The following CELF2 variants were observed in gnomAD, a reference collection of about 807,000 sequenced individuals.
CELF2 encodes the protein CUG triplet repeat RNA-binding protein 2.
Under a neutral mutation model 62.6 loss-of-function variants are expected in CELF2, and 8 were observed. The observed-to-expected ratio is 0.13, with a 90% CI of 0.07 to 0.23. The LOEUF is 0.23. Ranked by LOEUF, CELF2 falls within the 10% of genes least tolerant of loss-of-function variation. The pLI, the probability that CELF2 is intolerant of heterozygous loss-of-function variation, is 1.00. For synonymous variants in CELF2, 258 were observed against 250.0 expected, an observed-to-expected ratio of 1.03 and a Z score of -0.30; for missense variants, 333 against 671.0, an observed-to-expected ratio of 0.50 and a Z score of 5.56.
chr10:10,871,275 A>G (rs947257809), intron 1 of CELF2, among the ~76,000 whole-genome samples: 2 of 152,214 alleles, frequency 1.3e-5, no homozygotes, highest in African/African-American at 4.8e-5. Flanking sequence ...ACTTCATTCC[A>G]CAACAGAAAG....
chr10:11,035,025 C>A (rs1346862311), intron 1 of CELF2, among the ~76,000 whole-genome samples: 7 of 152,116 alleles, frequency 4.6e-5, no homozygotes, highest in Admixed American at 4.6e-4. Flanking sequence ...TTAATAGTAT[C>A]CTCCTTTGAA....
At chr10:10,981,033 G>A (rs544231127) in intron 2 of CELF2, among the ~76,000 whole-genome samples, 19 of 152,330 alleles carry the variant, frequency 1.2e-4, no homozygotes, top group Admixed American at 2.6e-4. Flanking sequence ...AACTGCTAGT[G>A]CAGGGGTCTA....
chr10:10,903,963 C>T (rs1033771960), intron 1 of CELF2, among the ~76,000 whole-genome samples: 1 of 152,158 alleles, frequency 6.6e-6, no homozygotes, highest in Non-Finnish European at 1.5e-5. Context: ...GAGTTAAGGG[C>T]ATCCCTGGTG....
At chr10:10,825,780 C>G (rs2057343008) in intron 1 of CELF2, among the ~76,000 whole-genome samples, 1 of 152,172 alleles carries the variant, frequency 6.6e-6, no homozygotes, top group Admixed American at 6.6e-5. Flanking sequence ...AAATTCCTTT[C>G]TCTCCCAAGG....
At position 11,309,104 on chromosome 10, in the gene CELF2, C is replaced by T. The variant is rs1238043600; in HGVS notation, c.977-5035C>T. ...TAGCTGCTTTCATGTCTTTGTCCAC[C>T]AAGTCTAACATCTGGGCCCTCTTAC... On this transcript the variant is annotated intron_variant, in intron 9 of 12. Coordinates refer to ENST00000633077, the MANE Select transcript of CELF2 (RefSeq NM_001326342.2). This position sits in a 1 kb window ranked among gnomAD's most constrained non-coding sequence, Gnocchi z 5.6. 6.6e-6 allele frequency among the ~76,000 whole-genome samples: 1 copy of T among 152,046 alleles called. No homozygotes were observed. The highest frequency in any genetic ancestry group is 1.9e-4 in the East Asian group (1 of 5,206).
chr10:11,089,544 GATGA>G lies in CELF2; in HGVS notation c.74+71387_74+71390del, dbSNP rs1319615851. ...AGGAGAATATGAGCCACAGTGGCTAGATGAATGAAGAGCGTGAAGACAGGAGTGT... is the reference window on the plus strand; with the variant it reads ...AGGAGAATATGAGCCACAGTGGCTAGATGAAGAGCGTGAAGACAGGAGTGT... On this transcript the variant is annotated intron_variant, in intron 1 of 12. Coordinates refer to ENST00000633077, the MANE Select transcript of CELF2 (RefSeq NM_001326342.2). Among the ~76,000 whole-genome samples the G allele has an allele frequency of 2.0e-4, 31 of 152,342 alleles. 1 individual carries two copies. The highest frequency in any genetic ancestry group is 7.5e-4 in the African/African-American group (31 of 41,578).
chr10:11,240,924 C>T (rs923692062), intron 3 of CELF2, among the ~76,000 whole-genome samples: 2 of 151,976 alleles, frequency 1.3e-5, no homozygotes, highest in African/African-American at 4.8e-5. Flanking sequence ...GGCTTGTGCT[C>T]CCACCGGACA....
chr10:10,850,372 C>A, intron 1 of CELF2, among the ~76,000 whole-genome samples: 1 of 152,196 alleles, frequency 6.6e-6, no homozygotes. Context: ...AACACTCCAC[C>A]ACTGCTGACT....
At chr10:10,759,071 A>G in the CELF2 span, among the ~76,000 whole-genome samples, 47 of 152,342 alleles carry the variant, frequency 3.1e-4, no homozygotes, top group African/African-American at 1.0e-3. Context: ...GATATGAGCT[A>G]TCGAATCAAT....
At chr10:11,262,940 C>CTTTGTTTTTTTTTTTTTTTTTTT (rs2081119186) in intron 5 of CELF2, among the ~76,000 whole-genome samples, 1 of 52,766 alleles carries the variant, frequency 1.9e-5, no homozygotes, top group East Asian at 9.7e-4. Context: ...AGTGGCTTTA[C>CTTTGTTTTTTTTTTTTTTTTTTT]TTTTTTTTTT....
intron 8 of CELF2, among the ~76,000 whole-genome samples, chr10:11,279,547 G>A (rs2087494117): frequency 6.6e-6 from 1 of 152,158 alleles, no homozygotes; most frequent in Non-Finnish European, 1.5e-5. Flanking sequence ...AGTCCACACT[G>A]CAGGCCTTAT....
Position 11,110,676 on chromosome 10 carries a change from G to T in CELF2, c.75-54810G>T, listed in dbSNP as rs540638231. ...AGTGAGACAGCCAGTGTGACGTTGAGAGTGTTCTCATGGGTCGTTGGCATT... is the reference window on the plus strand; with the variant it reads ...AGTGAGACAGCCAGTGTGACGTTGATAGTGTTCTCATGGGTCGTTGGCATT... On this transcript the variant is annotated intron_variant, in intron 1 of 12. Transcript: ENST00000633077. The surrounding 1 kb of genome is among the most constrained non-coding windows in gnomAD (Gnocchi z 4.0). Among the ~76,000 whole-genome samples the T allele has an allele frequency of 2.0e-5, 3 of 152,170 alleles. No homozygotes were observed. Among genetic ancestry groups the T allele is most frequent in the Admixed American group, 6.5e-5 (1 of 15,274 alleles).
At chr10:11,199,576 T>C (rs2058751386) in intron 2 of CELF2, among the ~76,000 whole-genome samples, 1 of 152,160 alleles carries the variant, frequency 6.6e-6, no homozygotes, top group Non-Finnish European at 1.5e-5. Flanking sequence ...GTGTGCCTTC[T>C]CTTGAAAAAT....
chr10:10,593,567 G>C, the CELF2 span, among the ~76,000 whole-genome samples: 4 of 152,316 alleles, frequency 2.6e-5, no homozygotes, highest in South Asian at 8.3e-4. Flanking sequence ...GACCTCAAGG[G>C]TGTGGGCACA....
intron 4 of CELF2, among the ~76,000 whole-genome samples, chr10:11,250,563 A>C (rs2076837912): frequency 6.6e-6 from 1 of 152,158 alleles, no homozygotes; most frequent in African/African-American, 2.4e-5. Context: ...TTCATCAGTT[A>C]CCGTGTGCCA....
At chr10:11,284,442 T>A (rs111667772) in intron 8 of CELF2, among the ~76,000 whole-genome samples, 2 of 101,900 alleles carry the variant, frequency 2.0e-5, no homozygotes, top group Admixed American at 1.0e-4. Flanking sequence ...TGGATGAGTG[T>A]GTGGTGGGTG....
the CELF2 span, among the ~76,000 whole-genome samples, chr10:10,582,151 A>G: frequency 3.9e-5 from 6 of 152,180 alleles, no homozygotes; most frequent in African/African-American, 1.4e-4. Context: ...ACCTTTTCCT[A>G]TCATACTTTC....
intron 1 of CELF2, among the ~76,000 whole-genome samples, chr10:10,898,148 C>T (rs929130170): frequency 6.6e-6 from 1 of 152,172 alleles, no homozygotes; most frequent in African/African-American, 2.4e-5. Context: ...CTACTGTATG[C>T]CTGACCCACC....
chr10:10,764,504 A>G, the CELF2 span, among the ~76,000 whole-genome samples: 1 of 152,182 alleles, frequency 6.6e-6, no homozygotes, highest in Non-Finnish European at 1.5e-5. Flanking sequence ...ACACCGCACA[A>G]GGTGTCTTCT....
Sources: allele counts gnomAD v4.1 joint callset (sites outside exome capture counted in the v4.1 genomes callset), GRCh38; gene constraint gnomAD v4.1.1; non-coding constraint Gnocchi (gnomAD v3.1); transcripts MANE v1.5; gene names NCBI Gene and HGNC (gene_info 2026-07-23, HGNC 2026-07-21).